L3MBTL2: variants seen among roughly 807,000 people sequenced by gnomAD.
L3MBTL2 encodes L3MBTL histone methyl-lysine binding protein 2.
L3MBTL2 carries 49 observed loss-of-function variants against 86.4 expected under a neutral mutation model. That is an observed-to-expected ratio of 0.57 (90% CI 0.45 to 0.72). L3MBTL2 has a LOEUF of 0.72. Ranked by LOEUF, L3MBTL2 falls within the 30% of genes least tolerant of loss-of-function variation. The pLI, the probability that L3MBTL2 is intolerant of heterozygous loss-of-function variation, is 0.00. For missense variants in L3MBTL2, 755 were observed against 923.7 expected, an observed-to-expected ratio of 0.82 and a Z score of 2.37; for synonymous variants, 336 against 350.6, an observed-to-expected ratio of 0.96 and a Z score of 0.47.
At position 41,227,063 on chromosome 22, in the gene L3MBTL2, G is replaced by T. The variant is rs1190573691; in HGVS notation, c.1588-26G>T. The stretch of plus-strand genomic sequence containing the variant: ...CTGGGGTAGGGAGCTGACTGGCTTG[G>T]CCACTGCCTCCTTTTTCTGCCCCAG... On this transcript the variant is annotated intron_variant, in intron 13 of 16. Coordinates refer to ENST00000216237, the MANE Select transcript of L3MBTL2 (RefSeq NM_031488.5). The surrounding 1 kb of genome is among the most constrained non-coding windows in gnomAD (Gnocchi z 6.0). 1 of 1,577,142 alleles carries T rather than the reference G, an allele frequency of 6.3e-7. No homozygotes were observed. The highest frequency in any genetic ancestry group is 8.6e-7 in the Non-Finnish European group (1 of 1,160,644).
chr22:41,212,777 C>A (rs1022332965), intron 2 of L3MBTL2, among the ~76,000 whole-genome samples: 2 of 151,656 alleles, frequency 1.3e-5, no homozygotes, highest in African/African-American at 4.8e-5. Flanking sequence ...TGCCTGTAGT[C>A]CCAGCTACTC....
At chr22:41,228,895 C>T (rs904157871) in intron 15 of L3MBTL2, among the ~76,000 whole-genome samples, 1 of 151,488 alleles carries the variant, frequency 6.6e-6, no homozygotes, top group African/African-American at 2.4e-5. Flanking sequence ...ATTTATCCAG[C>T]AGGCAGAGGC....
At chr22:41,206,569 C>T (rs1462128093) in intron 1 of L3MBTL2, among the ~76,000 whole-genome samples, 3 of 152,050 alleles carry the variant, frequency 2.0e-5, no homozygotes, top group East Asian at 2.0e-4. Context: ...GAGGCCGAGG[C>T]GGGCAGATCA....
chr22:41,228,135 T>C (rs1429319673), intron 15 of L3MBTL2: 8 of 985,284 alleles, frequency 8.1e-6, no homozygotes, highest in Non-Finnish European at 9.6e-6. Flanking sequence ...AGGTAAGAGA[T>C]TGAGGTTGGG....
In L3MBTL2 at chr22:41,224,081, C is replaced by A; in HGVS notation, c.1004C>A (p.Ser335Tyr). 6.2e-7 allele frequency: 1 copy of A among 1,614,170 alleles called. No individual in the cohort carries two copies. Among genetic ancestry groups the A allele is most frequent in the Non-Finnish European group, 8.5e-7 (1 of 1,180,026 alleles). ...QGMRLEVVDK[S>Y]QVSRTRMAVV... is the part of the protein sequence containing the mutation. ...ATGCGGCTGGAAGTGGTGGACAAGT[C>A]CCAGGTGTCACGCACTCGCATGGCT... is the stretch of plus-strand genomic sequence containing the variant. The change falls in exon 9 of 17, where the codon TCC becomes TAC. Residue 335 changes from serine to tyrosine, a missense_variant. Ser to Tyr is a moderately radical substitution (Grantham distance 144). Around this residue, in one of 3 missense-constraint regions of L3MBTL2, gnomAD observed 634 missense variants for 748.9 expected, o/e 0.85. Coordinates refer to ENST00000216237, the MANE Select transcript of L3MBTL2 (RefSeq NM_031488.5). The surrounding 1 kb of genome is among the most constrained non-coding windows in gnomAD (Gnocchi z 4.9).
intron 1 of L3MBTL2, chr22:41,208,465 C>G (rs1282491949): frequency 3.5e-6 from 1 of 285,312 alleles, no homozygotes; most frequent in African/African-American, 2.3e-5. Context: ...TGGGTAGATT[C>G]ATATACATTA....
chr22:41,217,727 G>C (rs191116400), intron 5 of L3MBTL2: 1 of 156,796 alleles, frequency 6.4e-6, no homozygotes, highest in Admixed American at 6.3e-5. Context: ...CCTGCAGGCC[G>C]GGAGAGCAGA....
Position 41,220,878 on chromosome 22 carries a change from T to TGA in L3MBTL2, c.853+13_853+14dup. 2 of 1,610,658 alleles carry TGA rather than the reference T, an allele frequency of 1.2e-6. No homozygotes were observed. The highest frequency in any genetic ancestry group is 1.7e-6 in the Non-Finnish European group (2 of 1,177,258). On this transcript the variant is annotated intron_variant, in intron 7 of 16. Coordinates refer to ENST00000216237, the MANE Select transcript of L3MBTL2 (RefSeq NM_031488.5). ...CTAGTGCCCCCACGGAGTGAGTTGA[T>TGA]GAGAACATTTCCTCTCTTGTTCCCG...
In L3MBTL2 at chr22:41,217,164, C is replaced by T. The variant is rs200095149; in HGVS notation, c.562C>T (p.His188Tyr). The change falls in exon 5 of 17, where the codon CAC becomes TAC. Residue 188 changes from histidine (H) to tyrosine (Y), a missense_variant. His to Tyr is a moderately conservative substitution (Grantham distance 83). Coordinates refer to ENST00000216237, the MANE Select transcript of L3MBTL2 (RefSeq NM_031488.5). ...GFDWGKFLKD[H>Y]SYKAAPVSCF... ...CGACTGGGGGAAGTTCCTGAAGGAT[C>T]ACAGTTACAAGGCTGCTCCCGTCAG... The T allele has an allele frequency of 1.8e-5, 29 of 1,613,824 alleles. No homozygotes were observed. Among genetic ancestry groups the T allele is most frequent in the Non-Finnish European group, 2.2e-5 (26 of 1,179,986 alleles).
intron 7 of L3MBTL2, 96 bp downstream of exon 7, chr22:41,220,964 C>T (rs1312243586): frequency 2.2e-6 from 3 of 1,386,030 alleles, no homozygotes; most frequent in South Asian, 2.7e-5. Context: ...AGTCCTCTGT[C>T]TTGTTAGAAC....
At chr22:41,206,716 G>A (rs562230113) in intron 1 of L3MBTL2, among the ~76,000 whole-genome samples, 2 of 151,856 alleles carry the variant, frequency 1.3e-5, no homozygotes, top group East Asian at 1.9e-4. Context: ...GGAGAATGGC[G>A]TGAACGTGGG....
intron 8 of L3MBTL2, among the ~76,000 whole-genome samples, chr22:41,222,692 A>T (rs2031910054): frequency 6.6e-6 from 1 of 152,052 alleles, no homozygotes; most frequent in South Asian, 2.1e-4. Context: ...GGCCGAGGTC[A>T]GAAGATCACC....
intron 1 of L3MBTL2, among the ~76,000 whole-genome samples, chr22:41,206,786 G>A (rs997892720): frequency 3.2e-4 from 49 of 150,788 alleles, no homozygotes; most frequent in African/African-American, 1.1e-3. Flanking sequence ...CAGCCTGGAC[G>A]ACAGAGCGAG....
In L3MBTL2 at chr22:41,224,611, A is replaced by G. The variant is rs2032056426; in HGVS notation, c.1175-114A>G. 3 of 760,230 alleles carry G rather than the reference A, an allele frequency of 3.9e-6. No individual in the cohort carries two copies. Among genetic ancestry groups the G allele is most frequent in the Non-Finnish European group, 6.9e-6 (3 of 435,054 alleles). 47.1% of individuals were successfully genotyped at this position (760,230 alleles called of 1,614,324 possible). ...GGGGGGTCCTGAGATACAGAGATAC[A>G]GCTGAGAACACGTGCAGAGCAGCCC... On this transcript the variant is annotated intron_variant, in intron 9 of 16. Transcript: ENST00000216237. This position sits in a 1 kb window ranked among gnomAD's most constrained non-coding sequence, Gnocchi z 4.9.
intron 15 of L3MBTL2, chr22:41,228,406 C>T (rs2032341920): frequency 6.1e-6 from 6 of 985,458 alleles, no homozygotes; most frequent in Non-Finnish European, 7.2e-6. Context: ...CTGAGCCCAG[C>T]TTGGGTTCCA....
intron 2 of L3MBTL2, 47 bp from the exon 3 acceptor site, chr22:41,213,846 T>G (rs1249037364): frequency 6.2e-7 from 1 of 1,607,714 alleles, no homozygotes; most frequent in Non-Finnish European, 8.5e-7. Context: ...TTTGTTTGCT[T>G]TGAGGTGGTC....
At chr22:41,228,451 C>G (rs1363821819) in intron 15 of L3MBTL2, 25 of 985,434 alleles carry the variant, frequency 2.5e-5, no homozygotes, top group Non-Finnish European at 3.0e-5. Context: ...CAAAGCCATC[C>G]TTCAGAGCCG....
In L3MBTL2 at chr22:41,229,617, G is replaced by C; in HGVS notation, c.1966G>C (p.Gly656Arg). The change falls in exon 16 of 17, where the codon GGT becomes CGT. Residue 656 changes from glycine to arginine, a missense_variant. Coordinates refer to ENST00000216237, the MANE Select transcript of L3MBTL2 (RefSeq NM_031488.5). ...KKPLLEDDPQ[G>R]ARKISSEPVP... ...GCCCCTGCTGGAGGACGACCCTCAGGGTGCCAGGAAGATCTCGTCGGAGCC... is the reference window on the plus strand; with the variant it reads ...GCCCCTGCTGGAGGACGACCCTCAGCGTGCCAGGAAGATCTCGTCGGAGCC... 6.2e-7 allele frequency: 1 copy of C among 1,613,896 alleles called. No individual in the cohort carries two copies. The highest frequency in any genetic ancestry group is 8.5e-7 in the Non-Finnish European group (1 of 1,179,940).
In L3MBTL2 at chr22:41,224,280, G is replaced by T; in HGVS notation, c.1174+29G>T. The stretch of plus-strand genomic sequence containing the variant: ...AGCAGAGCCCCAGGCCAGAGGGACT[G>T]CATGCTGTGCTTCCCCAGGGACGGA... On this transcript the variant is annotated intron_variant, in intron 9 of 16. Transcript: ENST00000216237. This position sits in a 1 kb window ranked among gnomAD's most constrained non-coding sequence, Gnocchi z 4.9. The T allele has an allele frequency of 6.4e-7, 1 of 1,554,786 alleles. No individual in the cohort carries two copies. Among genetic ancestry groups the T allele is most frequent in the Non-Finnish European group, 8.8e-7 (1 of 1,130,114 alleles).
Sources: gnomAD v4.1 joint callset for allele counts (sites outside exome capture counted in the v4.1 genomes callset) on GRCh38, gnomAD v4.1.1 for gene constraint, gnomAD v4.1.1 regional missense constraint, Gnocchi (gnomAD v3.1) non-coding constraint, MANE v1.5 for transcripts, NCBI Gene and HGNC (gene_info 2026-07-23, HGNC 2026-07-21) for gene names.